The following NHLRC4 variants were observed in gnomAD, a reference collection of about 807,000 sequenced individuals.
NHLRC4 encodes NHL-repeat-containing protein 4.
For missense variants in NHLRC4, 158 were observed against 155.4 expected (o/e 1.02, Z -0.09); for synonymous variants, 73 against 69.0 (o/e 1.06, Z -0.29).
At position 568,130 on chromosome 16, in the gene NHLRC4, G is replaced by A. The variant is rs752564645; in HGVS notation, c.83G>A (p.Arg28Lys). 11 of 1,602,586 alleles carry A rather than the reference G, an allele frequency of 6.9e-6. No individual in the cohort carries two copies. The East Asian group carries it at 2.5e-4, about 36-fold the overall frequency. The stretch of plus-strand genomic sequence containing the variant: ...GTGAGTGAGGAGTTTGGGGATGTGA[G>A]GCTGTTTGGCAGTGCCCGCCAACCC... ...LAVSEEFGDVRLFGSARQPLG... is the reference protein window; with the variant it reads ...LAVSEEFGDVKLFGSARQPLG... The change falls in exon 2 of 2, where the codon AGG becomes AAG. Residue 28 changes from arginine to lysine, a missense_variant. Arg to Lys is a conservative substitution (Grantham distance 26, BLOSUM62 2). Transcript: ENST00000424439.
chr16:568,986 A>C lies in NHLRC4; in HGVS notation c.*567A>C, dbSNP rs917038064. 1.8e-5 allele frequency: 3 copies of C among 169,160 alleles called. No homozygotes were observed. The highest frequency in any genetic ancestry group is 7.2e-5 in the African/African-American group (3 of 41,452). The allele number at this position is 169,160 out of a possible 1,614,324, so 10.5% of individuals were successfully genotyped here. A position where few individuals can be genotyped will look rare whatever the true frequency, so the allele number is the denominator to read the frequency against. ...CTCCAGTAGCTTCTCTGGGCCTGGC[A>C]GAGGTAAGGGGGAGGCAACCCTGGA... On this transcript the variant is annotated 3_prime_UTR_variant, in exon 2 of 2. Transcript: ENST00000424439.
rs957057892 is a variant in NHLRC4, at chr16:569,440, G to T, written c.*1021G>T. On this transcript the variant is annotated 3_prime_UTR_variant, in exon 2 of 2. Coordinates refer to ENST00000424439, the MANE Select transcript of NHLRC4 (RefSeq NM_001301159.2). ...TCCCTCATATGTCTGGGTCCTGTGG[G>T]TGGGGGACTAACTGCGCAATGTAGT... is the stretch of plus-strand genomic sequence containing the variant. The T allele has an allele frequency of 1.2e-5, 2 of 166,734 alleles. No homozygotes were observed. The highest frequency in any genetic ancestry group is 4.8e-5 in the African/African-American group (2 of 41,446). The allele number at this position is 166,734 out of a possible 1,614,324, so 10.3% of individuals were successfully genotyped here. A position where few individuals can be genotyped will look rare whatever the true frequency, so the allele number is the denominator to read the frequency against.
rs1187509768 is a variant in NHLRC4, at chr16:568,730, C to G, written c.*311C>G. On this transcript the variant is annotated 3_prime_UTR_variant, in exon 2 of 2. Coordinates refer to ENST00000424439, the MANE Select transcript of NHLRC4 (RefSeq NM_001301159.2). Reference sequence around the variant, plus strand: ...CCCTGCATTCATGCCCCCCACACCCCCTCAGGCCCTGTGCCTGGACTTTGG... The same window carrying G: ...CCCTGCATTCATGCCCCCCACACCCGCTCAGGCCCTGTGCCTGGACTTTGG... The G allele has an allele frequency of 5.9e-6, 2 of 338,700 alleles. No homozygotes were observed. Among genetic ancestry groups the G allele is most frequent in the Admixed American group, 4.5e-5 (1 of 22,392 alleles). The allele number at this position is 338,700 out of a possible 1,614,324, so 21.0% of individuals were successfully genotyped here. A position where few individuals can be genotyped will look rare whatever the true frequency, so the allele number is the denominator to read the frequency against.
chr16:568,026 G>A lies in NHLRC4; in HGVS notation c.-22G>A. 1 of 1,506,468 alleles carries A rather than the reference G, an allele frequency of 6.6e-7. No individual in the cohort carries two copies. The highest frequency in any genetic ancestry group is 1.3e-5 in the South Asian group (1 of 74,400). The allele number at this position is 1,506,468 out of a possible 1,614,324, so 93.3% of individuals were successfully genotyped here. On this transcript the variant is annotated 5_prime_UTR_variant, in exon 2 of 2. Transcript: ENST00000424439. ...ACAGCTTCTCGTTGGGTCCTGCTTGGGAGCCCCTGGCCCCAGCCTCCATGC... is the reference window on the plus strand; with the variant it reads ...ACAGCTTCTCGTTGGGTCCTGCTTGAGAGCCCCTGGCCCCAGCCTCCATGC...
In NHLRC4 at chr16:568,111, G is replaced by A. The variant is rs1950295678; in HGVS notation, c.64G>A (p.Glu22Lys). The A allele has an allele frequency of 6.3e-7, 1 of 1,588,478 alleles. No homozygotes were observed. Among genetic ancestry groups the A allele is most frequent in the South Asian group, 1.2e-5 (1 of 86,830 alleles). The change falls in exon 2 of 2, where the codon GAG (glutamate) becomes AAG (lysine). Residue 22 changes from glutamate to lysine, a missense_variant. By Grantham distance (56) the Glu-to-Lys change is moderately conservative. Transcript: ENST00000424439. ...GCCTGATGGGGGCCTTGCTGTGAGTGAGGAGTTTGGGGATGTGAGGCTGTT... is the reference window on the plus strand; with the variant it reads ...GCCTGATGGGGGCCTTGCTGTGAGTAAGGAGTTTGGGGATGTGAGGCTGTT... Reference protein sequence around the residue: ...PGPDGGLAVSEEFGDVRLFGS... With the variant: ...PGPDGGLAVSKEFGDVRLFGS...
In NHLRC4 at chr16:568,794, C is replaced by T. The variant is rs745944724; in HGVS notation, c.*375C>T. The T allele has an allele frequency of 1.0e-4, 21 of 202,658 alleles. No individual in the cohort carries two copies. The highest frequency in any genetic ancestry group is 8.4e-4 in the Admixed American group (16 of 18,996). The allele number at this position is 202,658 out of a possible 1,614,324, so 12.6% of individuals were successfully genotyped here. A position where few individuals can be genotyped will look rare whatever the true frequency, so the allele number is the denominator to read the frequency against. On this transcript the variant is annotated 3_prime_UTR_variant, in exon 2 of 2. Transcript: ENST00000424439. ...AGCCTTGAGATCCTGGGCCAGCTGC[C>T]GGCACACAGCTAGGCAGACTCTCCC... is the stretch of plus-strand genomic sequence containing the variant.
Position 568,124 on chromosome 16 carries a change from A to G in NHLRC4, c.77A>G (p.Asp26Gly). Residue 26 changes from aspartate (D) to glycine (G), a missense_variant, in exon 2 of 2, where the codon GAT becomes GGT. Asp to Gly is a moderately conservative substitution (Grantham distance 94). Transcript: ENST00000424439. ...CTTGCTGTGAGTGAGGAGTTTGGGG[A>G]TGTGAGGCTGTTTGGCAGTGCCCGC... is the stretch of plus-strand genomic sequence containing the variant. ...GGLAVSEEFG[D>G]VRLFGSARQP... The G allele has an allele frequency of 6.3e-7, 1 of 1,598,966 alleles. No homozygotes were observed. The highest frequency in any genetic ancestry group is 8.5e-7 in the Non-Finnish European group (1 of 1,172,694).
In NHLRC4 at chr16:568,522, T is replaced by C. The variant is rs1848054525; in HGVS notation, c.*103T>C. 7.6e-7 allele frequency: 1 copy of C among 1,315,810 alleles called. No individual in the cohort carries two copies. The highest frequency in any genetic ancestry group is 1.5e-5 in the South Asian group (1 of 65,436). The allele number at this position is 1,315,810 out of a possible 1,614,324, so 81.5% of individuals were successfully genotyped here. On this transcript the variant is annotated 3_prime_UTR_variant, in exon 2 of 2. Transcript: ENST00000424439. ...CAGGATGGGTGGAGCCTCCAGGCTA[T>C]GGGCATTGCCTGCCTGATGCCAGCA...
Position 569,289 on chromosome 16 carries a change from G to C in NHLRC4, c.*870G>C, listed in dbSNP as rs1462637430. 1 of 167,088 alleles carries C rather than the reference G, an allele frequency of 6.0e-6. No homozygotes were observed. Among genetic ancestry groups the C allele is most frequent in the Non-Finnish European group, 1.5e-5 (1 of 68,156 alleles). The allele number at this position is 167,088 out of a possible 1,614,324, so 10.4% of individuals were successfully genotyped here. On this transcript the variant is annotated 3_prime_UTR_variant, in exon 2 of 2. Transcript: ENST00000424439. Reference sequence around the variant, plus strand: ...AAAGGAGAGGCGTCTGGGTTACTCCGTGGGTCTGGGGTCCAGGGAAGGGCC... The same window carrying C: ...AAAGGAGAGGCGTCTGGGTTACTCCCTGGGTCTGGGGTCCAGGGAAGGGCC...
chr16:568,430 G>T lies in NHLRC4; in HGVS notation c.*11G>T. On this transcript the variant is annotated 3_prime_UTR_variant, in exon 2 of 2. Transcript: ENST00000424439. ...AAGGAGCTGGCCTGACCTGAGGCTG[G>T]GTTGGAGCAGCCCTCCTGTGCCTGA... is the stretch of plus-strand genomic sequence containing the variant. The T allele has an allele frequency of 6.2e-7, 1 of 1,603,820 alleles. No homozygotes were observed. Among genetic ancestry groups the T allele is most frequent in the Non-Finnish European group, 8.5e-7 (1 of 1,175,606 alleles).
In NHLRC4 at chr16:568,502, T is replaced by C; in HGVS notation, c.*83T>C. ...ATCACCGCGGGAGGAACCCTCAGGA[T>C]GGGTGGAGCCTCCAGGCTATGGGCA... is the stretch of plus-strand genomic sequence containing the variant. On this transcript the variant is annotated 3_prime_UTR_variant, in exon 2 of 2. Coordinates refer to ENST00000424439, the MANE Select transcript of NHLRC4 (RefSeq NM_001301159.2). 2.8e-6 allele frequency: 4 copies of C among 1,433,640 alleles called. No homozygotes were observed. In the South Asian group the frequency reaches 5.7e-5, roughly 20 times the overall value. The allele number at this position is 1,433,640 out of a possible 1,614,324, so 88.8% of individuals were successfully genotyped here.
rs1350117896 is a variant in NHLRC4 at position 568,830 on chromosome 16, C to T, written c.*411C>T. ...TAGGCAGACTCTCCCACCAGGTGCC[C>T]CTGCCCAGGCCTCCTAATCGGGGGC... On this transcript the variant is annotated 3_prime_UTR_variant, in exon 2 of 2. Transcript: ENST00000424439. The T allele has an allele frequency of 5.6e-6, 1 of 178,604 alleles. No homozygotes were observed. The highest frequency in any genetic ancestry group is 2.4e-5 in the African/African-American group (1 of 41,914). The allele number at this position is 178,604 out of a possible 1,614,324, so 11.1% of individuals were successfully genotyped here.
intron 1 of NHLRC4, 71 bp downstream of exon 1, chr16:567,146 C>G (rs2035548045): frequency 6.5e-6 from 1 of 153,956 alleles, no homozygotes; most frequent in Admixed American, 6.5e-5. Context: ...TGCCTCGCCC[C>G]TAAGGGGTCA....
Position 568,257 on chromosome 16 carries a change from C to A in NHLRC4, c.210C>A (p.Arg70=). The A allele has an allele frequency of 1.2e-6, 2 of 1,612,340 alleles. No individual in the cohort carries two copies. Among genetic ancestry groups the A allele is most frequent in the South Asian group, 1.1e-5 (1 of 91,052 alleles). The change falls in exon 2 of 2, where the codon CGC becomes CGA. Residue 70 remains arginine (R), a synonymous_variant. Coordinates refer to ENST00000424439, the MANE Select transcript of NHLRC4 (RefSeq NM_001301159.2). ...TTATTGTGGCAGACGAGCAGAGGCG[C>A]CAGGTGACCCTGTTTCCCCGGGCTG... is the stretch of plus-strand genomic sequence containing the variant. ...GNVIVADEQR[R]QVTLFPRAGP...
In NHLRC4 at chr16:567,757, A is replaced by G. The variant is rs115165076; in HGVS notation, c.-291A>G. The G allele has an allele frequency of 3.8e-3, 1,528 of 400,136 alleles. 34 individuals carry two copies. Among genetic ancestry groups the G allele is most frequent in the African/African-American group, 0.029 (1,412 of 48,156 alleles). The allele number at this position is 400,136 out of a possible 1,614,324, so 24.8% of individuals were successfully genotyped here. A position where few individuals can be genotyped will look rare whatever the true frequency, so the allele number is the denominator to read the frequency against. On this transcript the variant is annotated 5_prime_UTR_variant, in exon 2 of 2. Coordinates refer to ENST00000424439, the MANE Select transcript of NHLRC4 (RefSeq NM_001301159.2). ...CGTGCTAGATCTGGAGGGACGCCCC[A>G]TCTGCCTCCTGCCCTGCCGCACTCC... is the stretch of plus-strand genomic sequence containing the variant.
chr16:567,994 G>T lies in NHLRC4; in HGVS notation c.-54G>T, dbSNP rs1729101327. On this transcript the variant is annotated 5_prime_UTR_variant, in exon 2 of 2. Transcript: ENST00000424439. The stretch of plus-strand genomic sequence containing the variant: ...CCTGGTGACGGACTACTTGCCTGGG[G>T]CTGTGCACAGCTTCTCGTTGGGTCC... The T allele has an allele frequency of 1.3e-6, 2 of 1,485,026 alleles. No individual in the cohort carries two copies. The highest frequency in any genetic ancestry group is 1.8e-6 in the Non-Finnish European group (2 of 1,124,248). The allele number at this position is 1,485,026 out of a possible 1,614,324, so 92.0% of individuals were successfully genotyped here.
rs2035569277 is a variant in NHLRC4, at chr16:568,512, C to T, written c.*93C>T. 5 of 1,396,030 alleles carry T rather than the reference C, an allele frequency of 3.6e-6. No individual in the cohort carries two copies. The highest frequency in any genetic ancestry group is 2.6e-5 in the Admixed American group (1 of 38,234). The allele number at this position is 1,396,030 out of a possible 1,614,324, so 86.5% of individuals were successfully genotyped here. A position where few individuals can be genotyped will look rare whatever the true frequency, so the allele number is the denominator to read the frequency against. On this transcript the variant is annotated 3_prime_UTR_variant, in exon 2 of 2. Transcript: ENST00000424439. ...GAGGAACCCTCAGGATGGGTGGAGC[C>T]TCCAGGCTATGGGCATTGCCTGCCT...
intron 1 of NHLRC4, among the ~76,000 whole-genome samples, 182 bp downstream of exon 1, chr16:567,257 G>A (rs2035549464): frequency 6.6e-6 from 1 of 152,152 alleles, no homozygotes; most frequent in East Asian, 1.9e-4. Flanking sequence ...TTTGAGAAAT[G>A]TTGCTTATCT....
In NHLRC4 at chr16:568,264, A is replaced by G. The variant is rs1310381098; in HGVS notation, c.217A>G (p.Thr73Ala). ...GGCAGACGAGCAGAGGCGCCAGGTG[A>G]CCCTGTTTCCCCGGGCTGGGCCACC... Reference protein sequence around the residue: ...IVADEQRRQVTLFPRAGPPIC... With the variant: ...IVADEQRRQVALFPRAGPPIC... Residue 73 changes from threonine to alanine, a missense_variant, in exon 2 of 2, where the codon ACC (threonine) becomes GCC (alanine). By Grantham distance (58) the Thr-to-Ala change is moderately conservative. Coordinates refer to ENST00000424439, the MANE Select transcript of NHLRC4 (RefSeq NM_001301159.2). 3 of 1,612,094 alleles carry G rather than the reference A, an allele frequency of 1.9e-6. No homozygotes were observed. In the South Asian group the frequency reaches 3.3e-5, roughly 18 times the overall value.
Sources: allele counts gnomAD v4.1 joint callset (sites outside exome capture counted in the v4.1 genomes callset), GRCh38; gene constraint gnomAD v4.1.1; transcripts MANE v1.5; gene names NCBI Gene and HGNC (gene_info 2026-07-23, HGNC 2026-07-21).